The following STPG2 variants were observed in gnomAD, a reference collection of about 807,000 sequenced individuals.
STPG2 encodes the protein sperm-tail PG-rich repeat-containing protein 2.
Under a neutral mutation model 54.2 loss-of-function variants are expected in STPG2, and 56 were observed. That is an observed-to-expected ratio of 1.03 (90% confidence interval 0.83 to 1.29). STPG2 has a LOEUF of 1.29. Ranked by LOEUF, STPG2 falls within the 50% of genes most tolerant of loss-of-function variation. The pLI is 0.00. For missense variants in STPG2, 596 were observed against 544.9 expected, an observed-to-expected ratio of 1.09 and a Z score of -0.93; for synonymous variants, 200 against 181.8, an observed-to-expected ratio of 1.10 and a Z score of -0.81.
intron 3 of STPG2, among the ~76,000 whole-genome samples, chr4:98,124,429 C>G (rs1739773802): frequency 6.6e-6 from 1 of 152,152 alleles, no homozygotes; most frequent in Non-Finnish European, 1.5e-5. Flanking sequence ...TTCTCCTTCA[C>G]TTATGAAGCT....
chr4:97,996,642 C>A (rs1735251182), intron 5 of STPG2, among the ~76,000 whole-genome samples: 1 of 51,416 alleles, frequency 1.9e-5, no homozygotes, highest in African/African-American at 7.1e-5. Flanking sequence ...AACAGACAAC[C>A]TATAGAATGA....
At chr4:97,518,678 G>A (rs1208775124) in intron 4 of STPG2, among the ~76,000 whole-genome samples, 1 of 152,034 alleles carries the variant, frequency 6.6e-6, no homozygotes, top group Non-Finnish European at 1.5e-5. Context: ...TGACAATAAA[G>A]TACTTAGTTT....
intron 8 of STPG2, among the ~76,000 whole-genome samples, chr4:97,936,311 T>C (rs546580589): frequency 6.6e-6 from 1 of 152,262 alleles, no homozygotes; most frequent in South Asian, 2.1e-4. Flanking sequence ...AGCACACTGA[T>C]GATTTGGGAC....
At chr4:97,455,477 C>G (rs566274573) in intron 4 of STPG2, among the ~76,000 whole-genome samples, 2 of 152,096 alleles carry the variant, frequency 1.3e-5, no homozygotes, top group South Asian at 4.1e-4. Context: ...CAGATGTTGG[C>G]AGGCCATCAA....
intron 8 of STPG2, among the ~76,000 whole-genome samples, chr4:97,845,106 C>T (rs533381549): frequency 6.6e-6 from 1 of 151,012 alleles, no homozygotes; most frequent in South Asian, 2.1e-4. Context: ...TCATAAGTTC[C>T]ATTAATTCTT....
intron 9 of STPG2, among the ~76,000 whole-genome samples, chr4:97,808,411 T>C (rs1219273647): frequency 6.6e-6 from 1 of 151,992 alleles, no homozygotes; most frequent in Non-Finnish European, 1.5e-5. Context: ...CTGACTTTGA[T>C]AAGTGAAAGA....
chr4:97,953,852 C>T (rs1247224703), intron 7 of STPG2, among the ~76,000 whole-genome samples: 1 of 152,172 alleles, frequency 6.6e-6, no homozygotes, highest in Non-Finnish European at 1.5e-5. Context: ...TTCAGTTTTC[C>T]TGTTAAGTTC....
At chr4:97,878,292 C>G (rs539817819) in intron 8 of STPG2, among the ~76,000 whole-genome samples, 35 of 152,268 alleles carry the variant, frequency 2.3e-4, no homozygotes, top group Admixed American at 2.2e-3. Flanking sequence ...CACAGCTCCA[C>G]AAGACAGTGT....
chr4:97,768,743 C>T (rs1726133013), intron 9 of STPG2, among the ~76,000 whole-genome samples: 1 of 151,902 alleles, frequency 6.6e-6, no homozygotes, highest in African/African-American at 2.4e-5. Context: ...GCTCTGCCAC[C>T]CAGGCTGGAA....
At chr4:97,787,686 ATC>A (rs1315128052) in intron 9 of STPG2, among the ~76,000 whole-genome samples, 1 of 151,880 alleles carries the variant, frequency 6.6e-6, no homozygotes, top group African/African-American at 2.4e-5. Flanking sequence ...AATTAGTAGA[ATC>A]TCTATTTTTT....
intron 10 of STPG2, among the ~76,000 whole-genome samples, chr4:97,704,933 T>A (rs542841792): frequency 1.7e-4 from 26 of 152,180 alleles, no homozygotes; most frequent in African/African-American, 6.0e-4. Context: ...AAGAAATTTA[T>A]CAAGAAAAAA....
chr4:97,796,882 T>A (rs1727202575), intron 9 of STPG2, among the ~76,000 whole-genome samples: 1 of 152,202 alleles, frequency 6.6e-6, no homozygotes. Context: ...GAGCACTGGT[T>A]TGTAGTTCTC....
At chr4:97,503,110 T>G (rs933018714) in intron 4 of STPG2, among the ~76,000 whole-genome samples, 3 of 152,024 alleles carry the variant, frequency 2.0e-5, no homozygotes, top group Non-Finnish European at 4.4e-5. Flanking sequence ...TTATTTCCTT[T>G]TATTTACCTA....
intron 9 of STPG2, among the ~76,000 whole-genome samples, chr4:97,840,267 C>T (rs765536014): frequency 6.6e-6 from 1 of 151,500 alleles, no homozygotes; most frequent in East Asian, 1.9e-4. Context: ...TCTCCTCTAA[C>T]AACTTTAGCA....
intron 10 of STPG2, among the ~76,000 whole-genome samples, chr4:97,639,832 A>C (rs914046562): frequency 6.6e-6 from 1 of 152,044 alleles, no homozygotes; most frequent in Non-Finnish European, 1.5e-5. Flanking sequence ...TGATGATAAT[A>C]ATAAAAATAA....
At chr4:97,902,228 T>G (rs925741475) in intron 8 of STPG2, among the ~76,000 whole-genome samples, 1 of 152,082 alleles carries the variant, frequency 6.6e-6, no homozygotes, top group African/African-American at 2.4e-5. Context: ...GAAAGCTCTA[T>G]GACACTGGTC....
chr4:98,070,634 C>T (rs1455523638), intron 5 of STPG2, among the ~76,000 whole-genome samples: 1 of 151,992 alleles, frequency 6.6e-6, no homozygotes, highest in Non-Finnish European at 1.5e-5. Flanking sequence ...AGCCCAAAAC[C>T]TTCTTAAGCT....
chr4:98,084,655 A>G (rs1351344396), intron 5 of STPG2, among the ~76,000 whole-genome samples: 1 of 152,128 alleles, frequency 6.6e-6, no homozygotes, highest in Non-Finnish European at 1.5e-5. Flanking sequence ...AGCCATTTAA[A>G]TGGGGGTGCC....
rs529470903 is a variant in STPG2, at chr4:97,640,806, C to CA, written c.1320+71892dup. The stretch of plus-strand genomic sequence containing the variant: ...TACGTTTCAAAACACATGTTTAAGT[C>CA]AAAAAAACAGAGAATAAATAGTAAA... On this transcript the variant is annotated intron_variant, in intron 10 of 10. Coordinates refer to ENST00000295268, the MANE Select transcript of STPG2 (RefSeq NM_174952.3). Among the ~76,000 whole-genome samples the CA allele has an allele frequency of 2.9e-4, 44 of 150,280 alleles. 1 individual carries two copies. In the South Asian group the frequency reaches 6.5e-3, roughly 22 times the overall value.
Sources: allele counts gnomAD v4.1 joint callset (sites outside exome capture counted in the v4.1 genomes callset), GRCh38; gene constraint gnomAD v4.1.1; transcripts MANE v1.5; gene names NCBI Gene and HGNC (gene_info 2026-07-23, HGNC 2026-07-21).